Variants in SEMA6D observed in about 807,000 individuals in gnomAD.
The protein encoded by SEMA6D is semaphorin-6D.
A neutral mutation model predicts 106.6 loss-of-function variants in SEMA6D; 35 were observed. That is an observed-to-expected ratio of 0.33 (90% CI 0.25 to 0.44). SEMA6D has a LOEUF of 0.44. SEMA6D is among the 20% of genes least tolerant of loss of function. The pLI is 1.00. For synonymous variants in SEMA6D, 499 were observed against 487.7 expected (o/e 1.02, Z -0.31); for missense variants, 1,185 against 1,345.9 (o/e 0.88, Z 1.87).
At chr15:47,373,277 G>T (rs2039339648) in intron 1 of SEMA6D, among the ~76,000 whole-genome samples, 1 of 152,138 alleles carries the variant, frequency 6.6e-6, no homozygotes, top group African/African-American at 2.4e-5. Flanking sequence ...TGGGATTTTA[G>T]TAGACAGGAG....
intron 1 of SEMA6D, among the ~76,000 whole-genome samples, chr15:47,184,874 C>CT (rs1320793871): frequency 1.3e-5 from 2 of 152,240 alleles, no homozygotes; most frequent in South Asian, 2.1e-4. Flanking sequence ...CGCTGCCCCG[C>CT]TTTTTTTATT....
chr15:47,429,195 A>G (rs1390648416), intron 2 of SEMA6D, among the ~76,000 whole-genome samples: 1 of 152,078 alleles, frequency 6.6e-6, no homozygotes, highest in African/African-American at 2.4e-5. Flanking sequence ...TGCAGAGAGC[A>G]CCAGAGTTAT....
chr15:47,740,969 T>C (rs2080774794), intron 1 of SEMA6D, among the ~76,000 whole-genome samples: 1 of 152,226 alleles, frequency 6.6e-6, no homozygotes, highest in African/African-American at 2.4e-5. Context: ...CTTGACTTTT[T>C]CATAGAAACT....
chr15:47,635,293 AG>A, intron 4 of SEMA6D, among the ~76,000 whole-genome samples: 1 of 152,156 alleles, frequency 6.6e-6, no homozygotes, highest in Admixed American at 6.5e-5. Flanking sequence ...GATTGGCTGT[AG>A]GGGTGGTCTC....
intron 1 of SEMA6D, among the ~76,000 whole-genome samples, chr15:47,328,689 C>A (rs2037225799): frequency 6.6e-6 from 1 of 152,158 alleles, no homozygotes; most frequent in African/African-American, 2.4e-5. Flanking sequence ...CTGTCTCCTA[C>A]CACAATAAGC....
chr15:47,218,218 A>T (rs1359428713), intron 1 of SEMA6D, among the ~76,000 whole-genome samples: 1 of 152,154 alleles, frequency 6.6e-6, no homozygotes, highest in African/African-American at 2.4e-5. Context: ...CACATAGTTC[A>T]ATGCCTGGAC....
intron 2 of SEMA6D, among the ~76,000 whole-genome samples, chr15:47,435,524 G>A (rs748156286): frequency 6.6e-5 from 10 of 152,114 alleles, no homozygotes; most frequent in African/African-American, 1.7e-4. Flanking sequence ...GTTGAGCCAC[G>A]TTCACCATTT....
At chr15:47,688,801 A>C (rs2078524764) in intron 4 of SEMA6D, among the ~76,000 whole-genome samples, 2 of 152,320 alleles carry the variant, frequency 1.3e-5, no homozygotes, top group Non-Finnish European at 2.9e-5. Context: ...ATCTTTGGTA[A>C]GGTCCCTAAT....
chr15:47,526,779 T>A (rs1049235683), intron 3 of SEMA6D, among the ~76,000 whole-genome samples: 6 of 152,074 alleles, frequency 3.9e-5, no homozygotes, highest in African/African-American at 1.4e-4. Flanking sequence ...CACTGTCACC[T>A]AGGCTGGAGT....
At chr15:47,526,146 G>A (rs2044747630) in intron 3 of SEMA6D, among the ~76,000 whole-genome samples, 1 of 152,234 alleles carries the variant, frequency 6.6e-6, no homozygotes, top group East Asian at 1.9e-4. Context: ...TTTCATTCTT[G>A]TTGCTTCCTT....
At chr15:47,738,083 C>G (rs977419496) in intron 1 of SEMA6D, among the ~76,000 whole-genome samples, 1 of 151,114 alleles carries the variant, frequency 6.6e-6, no homozygotes, top group African/African-American at 2.4e-5. Context: ...CAGGTTTGTT[C>G]TAATAGGTAT....
At chr15:47,677,854 A>G (rs2078276004) in intron 4 of SEMA6D, among the ~76,000 whole-genome samples, 1 of 152,228 alleles carries the variant, frequency 6.6e-6, no homozygotes, top group Non-Finnish European at 1.5e-5. Context: ...TCGCTTTTAG[A>G]CAGAGAATGT....
intron 1 of SEMA6D, among the ~76,000 whole-genome samples, chr15:47,193,753 C>T (rs1399339973): frequency 6.6e-6 from 1 of 152,106 alleles, no homozygotes; most frequent in East Asian, 1.9e-4. Context: ...CTCTTCATAG[C>T]TTCTTCCTGC....
intron 1 of SEMA6D, among the ~76,000 whole-genome samples, chr15:47,294,014 C>T (rs1406269685): frequency 3.3e-5 from 5 of 152,126 alleles, no homozygotes; most frequent in Non-Finnish European, 7.4e-5. Flanking sequence ...AGAGTGCAGG[C>T]TGTGGTTGAA....
At position 47,277,244 on chromosome 15, in the gene SEMA6D, C is replaced by G. The variant is rs545341924; in HGVS notation, c.-239+92826C>G. On this transcript the variant is annotated intron_variant, in intron 1 of 19. Coordinates refer to the SEMA6D transcript ENST00000558014. Reference sequence around the variant, plus strand: ...AAAGATCTAGACTATTATGCAAATACAGTTAACAAAGCAGTGGCAGATTTC... The same window carrying G: ...AAAGATCTAGACTATTATGCAAATAGAGTTAACAAAGCAGTGGCAGATTTC... Among the ~76,000 whole-genome samples, 3 of 152,218 alleles carry G rather than the reference C, an allele frequency of 2.0e-5. No individual in the cohort carries two copies. The South Asian group carries it at 6.2e-4, about 32-fold the overall frequency.
At chr15:47,231,580 A>G (rs886334818) in intron 1 of SEMA6D, among the ~76,000 whole-genome samples, 3 of 152,044 alleles carry the variant, frequency 2.0e-5, no homozygotes. Flanking sequence ...TGTTGCTTAT[A>G]CTTTCCAGAA....
At chr15:47,377,431 A>G (rs1354146119) in intron 1 of SEMA6D, among the ~76,000 whole-genome samples, 1 of 152,206 alleles carries the variant, frequency 6.6e-6, no homozygotes, top group Non-Finnish European at 1.5e-5. Context: ...GATGAGAAAC[A>G]GAGGGTAACG....
Position 47,766,646 on chromosome 15 carries a change from C to A in SEMA6D, c.1677C>A (p.Phe559Leu), listed in dbSNP as rs375100072. The change falls in exon 16 of 19, where the codon TTC (phenylalanine) becomes TTA (leucine). Residue 559 changes from phenylalanine (F) to leucine (L), a missense_variant. Physicochemically the swap from Phe to Leu is conservative, Grantham distance 22. Coordinates refer to ENST00000536845, the MANE Select transcript of SEMA6D (RefSeq NM_001358351.3). ...AAGGATATGAACAAGACACAGAATT[C>A]GGCAACACAGCTCATCTAGGGGACT... ...LAEGYEQDTE[F>L]GNTAHLGDCH... The A allele has an allele frequency of 2.5e-6, 4 of 1,612,522 alleles. No individual in the cohort carries two copies. Among genetic ancestry groups the A allele is most frequent in the African/African-American group, 1.3e-5 (1 of 74,958 alleles).
intron 1 of SEMA6D, among the ~76,000 whole-genome samples, chr15:47,367,193 G>C (rs905608855): frequency 6.6e-6 from 1 of 152,142 alleles, no homozygotes; most frequent in Non-Finnish European, 1.5e-5. Context: ...ATAACTGTTG[G>C]TGGATCTTCC....
Sources: gnomAD v4.1 joint callset for allele counts (sites outside exome capture counted in the v4.1 genomes callset) on GRCh38, gnomAD v4.1.1 for gene constraint, MANE v1.5 for transcripts, NCBI Gene and HGNC (gene_info 2026-07-23, HGNC 2026-07-21) for gene names.